Variants in SLC30A8 observed in about 807,000 individuals in gnomAD.
The protein encoded by SLC30A8 is proton-coupled zinc antiporter SLC30A8.
Under a neutral mutation model 36.9 loss-of-function variants are expected in SLC30A8, and 27 were observed. The observed-to-expected ratio is 0.73, with a 90% CI of 0.54 to 1.01. SLC30A8 has a LOEUF of 1.01. SLC30A8 is among the 50% of genes least tolerant of loss of function. SLC30A8 has a pLI of 0.00. For synonymous variants in SLC30A8, 164 were observed against 172.4 expected (o/e 0.95, Z 0.38); for missense variants, 439 against 452.0 (o/e 0.97, Z 0.26).
At chr8:117,021,127 G>C (rs1452382165) in intron 1 of SLC30A8, among the ~76,000 whole-genome samples, 1 of 152,116 alleles carries the variant, frequency 6.6e-6, no homozygotes, top group Non-Finnish European at 1.5e-5. Context: ...CCTTTTAAAT[G>C]GTTATATAGG....
intron 3 of SLC30A8, among the ~76,000 whole-genome samples, chr8:117,154,456 T>C (rs535142972): frequency 1.3e-5 from 2 of 152,366 alleles, no homozygotes; most frequent in South Asian, 4.1e-4. Context: ...AAAGGGCTGC[T>C]AGACACATAT....
intron 1 of SLC30A8, among the ~76,000 whole-genome samples, chr8:117,138,215 A>C (rs960222638): frequency 1.3e-5 from 2 of 151,980 alleles, no homozygotes; most frequent in African/African-American, 4.8e-5. Context: ...AGAGGAAGTA[A>C]GGGCAGGAAT....
intron 2 of SLC30A8, among the ~76,000 whole-genome samples, chr8:117,105,560 TG>T (rs1819957878): frequency 6.6e-6 from 1 of 152,144 alleles, no homozygotes; most frequent in Non-Finnish European, 1.5e-5. Context: ...GATTGGGGCC[TG>T]GTATATCTGA....
In SLC30A8 at chr8:117,043,864, A is replaced by G. The variant is rs73701665; in HGVS notation, c.-226+4606A>G. Among the ~76,000 whole-genome samples, 1,195 of 152,332 alleles carry G rather than the reference A, an allele frequency of 7.8e-3. 11 individuals are homozygous for G. Among genetic ancestry groups the G allele is most frequent in the African/African-American group, 0.027 (1,138 of 41,580 alleles). ...AAAAGGTAAGTTCAAAAATTTCAGT[A>G]TGTTTTTTAGTTCTGCAATTATTTT... On this transcript the variant is annotated intron_variant, in intron 2 of 10. Coordinates refer to the SLC30A8 transcript ENST00000427715.
intron 2 of SLC30A8, among the ~76,000 whole-genome samples, chr8:117,060,284 AAAGC>A (rs928978844): frequency 6.6e-6 from 1 of 152,138 alleles, no homozygotes; most frequent in Non-Finnish European, 1.5e-5. Context: ...TCAGATGCCA[AAAGC>A]AAGCAAGCAA....
chr8:117,116,605 A>G (rs1820456630), intron 2 of SLC30A8, among the ~76,000 whole-genome samples: 1 of 152,146 alleles, frequency 6.6e-6, no homozygotes, highest in African/African-American at 2.4e-5. Flanking sequence ...TGGATTTTAT[A>G]TAAAGAATTA....
chr8:117,073,630 T>C (rs994812578), intron 2 of SLC30A8, among the ~76,000 whole-genome samples: 2 of 152,216 alleles, frequency 1.3e-5, no homozygotes, highest in Non-Finnish European at 2.9e-5. Flanking sequence ...TTTAAAAAAT[T>C]TCCTCTGCAA....
chr8:117,037,046 G>A (rs999608710), intron 1 of SLC30A8, among the ~76,000 whole-genome samples: 2 of 152,086 alleles, frequency 1.3e-5, no homozygotes, highest in Admixed American at 1.3e-4. Context: ...TTCATGTTAG[G>A]AAGACAGGCT....
intron 1 of SLC30A8, among the ~76,000 whole-genome samples, chr8:117,025,713 A>G (rs1816852669): frequency 6.6e-6 from 1 of 152,174 alleles, no homozygotes; most frequent in South Asian, 2.1e-4. Context: ...CACAGGAACC[A>G]CAGCTCTTGA....
At chr8:116,974,661 A>G (rs917630837) in intron 1 of SLC30A8, among the ~76,000 whole-genome samples, 5 of 152,166 alleles carry the variant, frequency 3.3e-5, no homozygotes, top group Admixed American at 3.3e-4. Flanking sequence ...TAGAAATACC[A>G]TTTGACCCAG....
intron 6 of SLC30A8, among the ~76,000 whole-genome samples, chr8:117,166,361 C>T (rs905770941): frequency 6.6e-6 from 1 of 152,108 alleles, no homozygotes; most frequent in African/African-American, 2.4e-5. Flanking sequence ...GGCCATTTGT[C>T]GTTAACAAAT....
At chr8:116,956,613 C>T (rs932785752) in intron 1 of SLC30A8, among the ~76,000 whole-genome samples, 1 of 152,074 alleles carries the variant, frequency 6.6e-6, no homozygotes, top group South Asian at 2.1e-4. Flanking sequence ...AAATTCATAT[C>T]TACTAAGGGG....
In SLC30A8 at chr8:117,153,087, G is replaced by A. The variant is rs1822277200; in HGVS notation, c.415G>A (p.Ala139Thr). Reference protein sequence around the residue: ...SKRLTFGWHRAEILGALLSIL... With the variant: ...SKRLTFGWHRTEILGALLSIL... ...GCGGCTGACATTTGGATGGCACCGA[G>A]CAGGTACGGTTCATAGAGTGAGCAA... Residue 139 changes from alanine to threonine, a missense_variant, in exon 3 of 8, where the codon GCA (alanine) becomes ACA (threonine). Physicochemically the swap from Ala to Thr is moderately conservative, Grantham distance 58. Transcript: ENST00000456015. 1 of 1,607,132 alleles carries A rather than the reference G, an allele frequency of 6.2e-7. No individual in the cohort carries two copies. The highest frequency in any genetic ancestry group is 1.3e-5 in the African/African-American group (1 of 74,802).
At position 117,173,919 on chromosome 8, in the gene SLC30A8, G is replaced by A. The variant is rs1248435626; in HGVS notation, c.*1238G>A. The A allele has an allele frequency of 2.6e-5, 4 of 152,096 alleles. No individual in the cohort carries two copies. The East Asian group carries it at 7.7e-4, about 29-fold the overall frequency. The allele number at this position is 152,096 out of a possible 1,614,324, so 9.4% of individuals were successfully genotyped here. On this transcript the variant is annotated 3_prime_UTR_variant, in exon 8 of 8. Transcript: ENST00000456015. ...TTGCCGGATGGGCATGGCCAGTGATGTTTCACGTCATTGAGGTGACAGCTC... is the reference window on the plus strand; with the variant it reads ...TTGCCGGATGGGCATGGCCAGTGATATTTCACGTCATTGAGGTGACAGCTC...
intron 2 of SLC30A8, among the ~76,000 whole-genome samples, chr8:117,072,573 CT>C (rs1432998318): frequency 6.6e-6 from 1 of 152,120 alleles, no homozygotes; most frequent in African/African-American, 2.4e-5. Flanking sequence ...TTCTTTCTTA[CT>C]TTAAGTCCTT....
chr8:117,172,740 C>T lies in SLC30A8; in HGVS notation c.*59C>T. The T allele has an allele frequency of 1.3e-6, 2 of 1,573,542 alleles. No individual in the cohort carries two copies. Among genetic ancestry groups the T allele is most frequent in the Non-Finnish European group, 8.7e-7 (1 of 1,148,158 alleles). On this transcript the variant is annotated 3_prime_UTR_variant, in exon 8 of 8. Transcript: ENST00000456015. ...GGCCACCTTCAAACATGCTGCTATG[C>T]AGTTTCTGCATCATAGAAAATAAGG...
chr8:117,059,969 G>C (rs1817981476), intron 2 of SLC30A8, among the ~76,000 whole-genome samples: 1 of 152,048 alleles, frequency 6.6e-6, no homozygotes, highest in Non-Finnish European at 1.5e-5. Flanking sequence ...GGAGGGAACA[G>C]ATACGAGAGT....
At chr8:117,010,390 G>A (rs1303330254) in intron 1 of SLC30A8, among the ~76,000 whole-genome samples, 2 of 152,180 alleles carry the variant, frequency 1.3e-5, no homozygotes, top group Non-Finnish European at 2.9e-5. Flanking sequence ...GAATCTGGCA[G>A]CTCCACGGCC....
At chr8:117,131,715 A>G (rs1362534058), upstream of SLC30A8, among the ~76,000 whole-genome samples, 2 of 152,110 alleles carry the variant, frequency 1.3e-5, no homozygotes, top group East Asian at 1.9e-4. Flanking sequence ...AGCAATAGCC[A>G]AAACATTTTA....
Sources: allele counts gnomAD v4.1 joint callset (sites outside exome capture counted in the v4.1 genomes callset), GRCh38; gene constraint gnomAD v4.1.1; transcripts MANE v1.5; gene names NCBI Gene and HGNC (gene_info 2026-07-23, HGNC 2026-07-21).